The following LINGO1 variants were observed in gnomAD, a reference collection of about 807,000 sequenced individuals.
The protein encoded by LINGO1 is leucine rich repeat and Ig domain containing 1, also known as leucine-rich repeat and immunoglobulin-like domain-containing nogo receptor-interacting protein 1.
LINGO1 carries 11 observed loss-of-function variants against 37.3 expected under a neutral mutation model. The ratio of observed to expected loss-of-function variants is 0.29; its 90% CI spans 0.19 to 0.49. The LOEUF (loss-of-function observed/expected upper bound fraction) is 0.49, where lower values mean the gene tolerates loss of function less well. Ranked by LOEUF, LINGO1 falls within the 20% of genes least tolerant of loss-of-function variation. The pLI, the probability that LINGO1 is intolerant of heterozygous loss-of-function variation, is 0.99. For synonymous variants in LINGO1, 387 were observed against 403.0 expected (o/e 0.96, Z 0.48); for missense variants, 585 against 878.2 (o/e 0.67, Z 4.22).
upstream of LINGO1, among the ~76,000 whole-genome samples, chr15:77,699,681 T>C (rs58731634): frequency 8.1e-3 from 10 of 1,234 alleles, no homozygotes; most frequent in African/African-American, 0.038. Flanking sequence ...AACCATCATC[T>C]GCACACAGTA....
At chr15:77,728,425 G>A (rs997801459) in intron 2 of LINGO1, among the ~76,000 whole-genome samples, 6 of 152,238 alleles carry the variant, frequency 3.9e-5, no homozygotes, top group Non-Finnish European at 8.8e-5. Flanking sequence ...GCTGGGGGCT[G>A]GGAGTGGGTG....
In LINGO1 at chr15:77,679,481, T is replaced by C. The variant is rs532994030; in HGVS notation, c.-98-2307A>G. ...TGATAGCTAACATTTACAGAGCCCT[T>C]AGCATTTGCCTAGCACCATTCTGAG... is the stretch of plus-strand genomic sequence containing the variant. On this transcript the variant is annotated intron_variant, in intron 2 of 3. Transcript: ENST00000559893. 2.5e-3 allele frequency among the ~76,000 whole-genome samples: 387 copies of C among 152,248 alleles called. 3 individuals are homozygous for C. The highest frequency in any genetic ancestry group is 8.9e-3 in the African/African-American group (371 of 41,530).
In LINGO1 at chr15:77,793,767, G is replaced by A. The variant is rs1010219088; in HGVS notation, c.-343+2172C>T. On this transcript the variant is annotated intron_variant, in intron 2 of 5. Transcript: ENST00000562933. ...AAATAATCTTGGTATGGGATTAAGTGTAAAAGGCAAGTTAGAAAACAGTAA... is the reference window on the plus strand; with the variant it reads ...AAATAATCTTGGTATGGGATTAAGTATAAAAGGCAAGTTAGAAAACAGTAA... Among the ~76,000 whole-genome samples, 6 of 152,340 alleles carry A rather than the reference G, an allele frequency of 3.9e-5. No individual in the cohort carries two copies. The East Asian group carries it at 7.7e-4, about 20-fold the overall frequency.
chr15:77,792,741 T>C (rs1026595940), intron 2 of LINGO1, among the ~76,000 whole-genome samples: 2 of 152,378 alleles, frequency 1.3e-5, no homozygotes, highest in African/African-American at 4.8e-5. Flanking sequence ...ATTTAGGCTC[T>C]ATGAGGGCAA....
rs116446018 is a variant in LINGO1, at chr15:77,723,825, G to C, written c.-195+11167C>G. Among the ~76,000 whole-genome samples the C allele has an allele frequency of 2.6e-4, 39 of 152,324 alleles. 1 individual carries two copies. The East Asian group carries it at 6.6e-3, about 26-fold the overall frequency. On this transcript the variant is annotated intron_variant, in intron 2 of 3. Coordinates refer to the LINGO1 transcript ENST00000561686. ...GGCATCAGGGGAAAGTGGCACAGGT[G>C]GGGGAGGGGGCAACAGTTCCAAACG...
At chr15:77,636,780 G>A (rs1016902764), upstream of LINGO1, among the ~76,000 whole-genome samples, 11 of 152,220 alleles carry the variant, frequency 7.2e-5, no homozygotes, top group Middle Eastern at 0.01. Flanking sequence ...GCCTCCAGAA[G>A]CCACCACAGA....
intron 1 of LINGO1, among the ~76,000 whole-genome samples, chr15:77,692,412 C>T (rs573793756): frequency 3.3e-4 from 50 of 152,208 alleles, no homozygotes; most frequent in African/African-American, 1.1e-3. Flanking sequence ...AGTGGAAACA[C>T]GGACGGAGAG....
At chr15:77,739,150 G>A (rs563204441) in intron 1 of LINGO1, among the ~76,000 whole-genome samples, 13 of 152,346 alleles carry the variant, frequency 8.5e-5, no homozygotes, top group African/African-American at 2.9e-4. Flanking sequence ...CGCAACCGGC[G>A]GGGGGCCAGG....
Position 77,760,091 on chromosome 15 carries a change from G to A in LINGO1, c.-256-25038C>T, listed in dbSNP as rs565359544. 9.8e-5 allele frequency among the ~76,000 whole-genome samples: 15 copies of A among 152,344 alleles called. No homozygotes were observed. In the South Asian group the frequency reaches 2.1e-3, roughly 21 times the overall value. On this transcript the variant is annotated intron_variant, in intron 1 of 3. Coordinates refer to the LINGO1 transcript ENST00000561686. ...TTTTTTTTCCTCCTTAAAAGACAGC[G>A]CGGCAATGACTCATGCCTGTTTCCC... is the stretch of plus-strand genomic sequence containing the variant.
At chr15:77,783,111 T>C (rs1466579457) in intron 1 of LINGO1, among the ~76,000 whole-genome samples, 2 of 152,016 alleles carry the variant, frequency 1.3e-5, no homozygotes, top group Non-Finnish European at 2.9e-5. Flanking sequence ...TGGATGCCCA[T>C]CGCCTGGATG....
intron 1 of LINGO1, among the ~76,000 whole-genome samples, chr15:77,623,890 ATG>A (rs1362201286): frequency 1.8e-5 from 2 of 108,312 alleles, no homozygotes; most frequent in Admixed American, 9.4e-5. Flanking sequence ...TGTGTGAGTG[ATG>A]TGTGTGTGGT....
intron 1 of LINGO1, among the ~76,000 whole-genome samples, chr15:77,777,775 T>C (rs998738546): frequency 6.6e-6 from 1 of 151,958 alleles, no homozygotes. Flanking sequence ...TAAAACAAAC[T>C]AGCCAGGTAT....
rs573411307 is a variant in LINGO1 at position 77,769,951 on chromosome 15, C to A, written c.-257+16918G>T. Reference sequence around the variant, plus strand: ...GACTCAGTGTGGTTTTGTGACTTGTCCACAGAAACACTGCAGTAAATGGTG... The same window carrying A: ...GACTCAGTGTGGTTTTGTGACTTGTACACAGAAACACTGCAGTAAATGGTG... On this transcript the variant is annotated intron_variant, in intron 1 of 3. Transcript: ENST00000561686. 2.0e-5 allele frequency among the ~76,000 whole-genome samples: 3 copies of A among 152,254 alleles called. No individual in the cohort carries two copies. The East Asian group carries it at 5.8e-4, about 29-fold the overall frequency.
intron 1 of LINGO1, among the ~76,000 whole-genome samples, chr15:77,764,510 C>CT (rs2076508086): frequency 6.6e-6 from 1 of 152,162 alleles, no homozygotes; most frequent in Non-Finnish European, 1.5e-5. Context: ...AAATCACCCA[C>CT]TTTTTTTAAA....
Position 77,733,851 on chromosome 15 carries a change from G to A in LINGO1, c.-195+1141C>T, listed in dbSNP as rs370431655. ...CCCTTGCAGGGGTGTCTGAGCTGCCGAGGGCTGCACTTCTCCGATCCCCAG... is the reference window on the plus strand; with the variant it reads ...CCCTTGCAGGGGTGTCTGAGCTGCCAAGGGCTGCACTTCTCCGATCCCCAG... On this transcript the variant is annotated intron_variant, in intron 2 of 3. Coordinates refer to the LINGO1 transcript ENST00000561686. Among the ~76,000 whole-genome samples, 13 of 148,754 alleles carry A rather than the reference G, an allele frequency of 8.7e-5. No individual in the cohort carries two copies. In the South Asian group the frequency reaches 2.3e-3, roughly 26 times the overall value.
At position 77,695,268 on chromosome 15, in the gene LINGO1, C is replaced by T. The variant is rs552409662; in HGVS notation, c.-281+1123G>A. Among the ~76,000 whole-genome samples the T allele has an allele frequency of 5.3e-5, 8 of 152,180 alleles. No individual in the cohort carries two copies. The South Asian group carries it at 1.2e-3, about 24-fold the overall frequency. On this transcript the variant is annotated intron_variant, in intron 1 of 3. Coordinates refer to the LINGO1 transcript ENST00000559893. ...GTGCCAGGCAGTTCGAAGAGGCAGC[C>T]CGGTGAGCAGATGGGGTGGGCAGGG... is the stretch of plus-strand genomic sequence containing the variant.
intron 1 of LINGO1, among the ~76,000 whole-genome samples, chr15:77,622,117 G>C (rs2073941603): frequency 6.6e-6 from 1 of 152,196 alleles, no homozygotes; most frequent in Non-Finnish European, 1.5e-5. Flanking sequence ...GAGGATGGCA[G>C]GCCTGGGAAG....
upstream of LINGO1, among the ~76,000 whole-genome samples, chr15:77,637,491 G>A (rs1424675544): frequency 3.3e-5 from 5 of 152,206 alleles, no homozygotes; most frequent in African/African-American, 4.8e-5. The surrounding 1 kb of genome is among the most constrained non-coding windows in gnomAD (Gnocchi z 4.6). Flanking sequence ...GGGGCTGTAT[G>A]TCCCTGGACA....
chr15:77,749,929 A>C (rs2076354041), intron 1 of LINGO1, among the ~76,000 whole-genome samples: 1 of 150,694 alleles, frequency 6.6e-6, no homozygotes, highest in Admixed American at 6.6e-5. Context: ...CTCCAATTTA[A>C]TCCTCCCAGC....
Sources: allele counts gnomAD v4.1 joint callset (sites outside exome capture counted in the v4.1 genomes callset), GRCh38; gene constraint gnomAD v4.1.1; non-coding constraint Gnocchi (gnomAD v3.1); transcripts MANE v1.5; gene names NCBI Gene and HGNC (gene_info 2026-07-23, HGNC 2026-07-21).